The following DDX10 variants were observed in gnomAD, a reference collection of about 807,000 sequenced individuals.
DDX10 encodes DEAD-box helicase 10.
A neutral mutation model predicts 104.3 loss-of-function variants in DDX10; 74 were observed. The ratio of observed to expected loss-of-function variants is 0.71; its 90% CI spans 0.59 to 0.86. DDX10 has a LOEUF of 0.86. DDX10 is among the 40% of genes least tolerant of loss of function. The probability of loss-of-function intolerance (pLI) is 0.00; values close to 1 mark genes in which losing one functional copy is unlikely to be tolerated. For synonymous variants in DDX10, 351 were observed against 353.4 expected (o/e 0.99, Z 0.08); for missense variants, 952 against 1,040.0 (o/e 0.92, Z 1.16).
Position 108,909,488 on chromosome 11 carries a change from G to T in DDX10, c.2305-8385G>T, listed in dbSNP as rs1337614465. Reference sequence around the variant, plus strand: ...TTCCCTTGTCCTGTGCCCTACTCCCGCCCCTTCCCTTGTCCTGTGCCTCTT... The same window carrying T: ...TTCCCTTGTCCTGTGCCCTACTCCCTCCCCTTCCCTTGTCCTGTGCCTCTT... On this transcript the variant is annotated intron_variant, in intron 16 of 17. Transcript: ENST00000322536. 1.1e-4 allele frequency among the ~76,000 whole-genome samples: 16 copies of T among 149,794 alleles called. No homozygotes were observed. The South Asian group carries it at 3.0e-3, about 28-fold the overall frequency.
intron 13 of DDX10, among the ~76,000 whole-genome samples, chr11:108,787,458 CCTT>C (rs35388430): frequency 0.12 from 18,444 of 152,062 alleles, 1,520 homozygotes; most frequent in East Asian, 0.27. Context: ...TACACTCTCT[CCTT>C]CTCTCTCAAG....
At chr11:108,789,944 C>T (rs2134547165) in intron 13 of DDX10, among the ~76,000 whole-genome samples, 1 of 152,254 alleles carries the variant, frequency 6.6e-6, no homozygotes, top group South Asian at 2.1e-4. Context: ...AACTCCGAAC[C>T]AATTAAATCA....
chr11:108,713,570 ATT>A (rs1349338689), intron 10 of DDX10, among the ~76,000 whole-genome samples: 49 of 152,124 alleles, frequency 3.2e-4, no homozygotes, highest in Non-Finnish European at 2.9e-5. Context: ...TGTTTTATCT[ATT>A]AGAATCCCTA....
intron 13 of DDX10, among the ~76,000 whole-genome samples, chr11:108,772,249 C>T (rs1372468481): frequency 6.6e-6 from 1 of 152,118 alleles, no homozygotes; most frequent in Non-Finnish European, 1.5e-5. Context: ...ACGAATATTA[C>T]CTTAATTGGA....
At chr11:108,678,520 T>C in intron 5 of DDX10, 85 bp downstream of exon 5, 1 of 1,284,060 alleles carries the variant, frequency 7.8e-7, no homozygotes, top group Admixed American at 2.9e-5. Flanking sequence ...ATAGAAATTT[T>C]ATGTTAGATA....
chr11:108,904,471 C>G (rs1863564257), intron 16 of DDX10, among the ~76,000 whole-genome samples: 1 of 152,130 alleles, frequency 6.6e-6, no homozygotes, highest in South Asian at 2.1e-4. Flanking sequence ...TTGTCAAAAC[C>G]TGAATTCATT....
intron 13 of DDX10, among the ~76,000 whole-genome samples, chr11:108,835,966 G>A (rs1335893284): frequency 2.0e-5 from 3 of 152,070 alleles, no homozygotes; most frequent in Non-Finnish European, 1.5e-5. Flanking sequence ...TACGGTCCCC[G>A]CCCCCAGACC....
In DDX10 at chr11:108,720,892, C is replaced by G. The variant is rs565861778; in HGVS notation, c.1499+1007C>G. ...ACAGGTGTGAGCCACTGTGCCTGGC[C>G]GGGTTTTTTTTTTTTTTTTAAACCT... On this transcript the variant is annotated intron_variant, in intron 12 of 17. Coordinates refer to ENST00000322536, the MANE Select transcript of DDX10 (RefSeq NM_004398.4). Among the ~76,000 whole-genome samples, 3 of 111,494 alleles carry G rather than the reference C, an allele frequency of 2.7e-5. No homozygotes were observed. In the Admixed American group the frequency reaches 3.1e-4, roughly 11 times the overall value. The allele number at this position is 111,494 out of a possible 152,430, so 73.1% of individuals were successfully genotyped here.
intron 13 of DDX10, among the ~76,000 whole-genome samples, chr11:108,783,465 A>G (rs911987365): frequency 3.9e-5 from 6 of 152,138 alleles, no homozygotes; most frequent in Admixed American, 2.6e-4. Flanking sequence ...GAAGGTGGAT[A>G]GTGGAGGCTT....
In DDX10 at chr11:108,940,412, A is replaced by G. The variant is rs1864093594; in HGVS notation, c.2617A>G (p.Ser873Gly). Reference sequence around the variant, plus strand: ...AGAGCTGGTGTTACATCTGCTAAGAAGTCAAAGCTAAATACTTCCTGCGCC... The same window carrying G: ...AGAGCTGGTGTTACATCTGCTAAGAGGTCAAAGCTAAATACTTCCTGCGCC... ...DEELVLHLLR[S>G]QS The change falls in exon 18 of 18, where the codon AGT (serine) becomes GGT (glycine). Residue 873 changes from serine (S) to glycine (G), a missense_variant. Transcript: ENST00000322536. The G allele has an allele frequency of 6.2e-7, 1 of 1,613,370 alleles. No individual in the cohort carries two copies. Among genetic ancestry groups the G allele is most frequent in the African/African-American group, 1.3e-5 (1 of 74,886 alleles).
At chr11:108,827,625 G>A (rs1022968247) in intron 13 of DDX10, among the ~76,000 whole-genome samples, 2 of 151,832 alleles carry the variant, frequency 1.3e-5, no homozygotes, top group South Asian at 2.1e-4. Context: ...TAATTTATAA[G>A]CGTTGTTTCC....
intron 5 of DDX10, among the ~76,000 whole-genome samples, chr11:108,678,912 C>G (rs2094230347): frequency 9.2e-6 from 1 of 109,086 alleles, no homozygotes; most frequent in African/African-American, 3.5e-5. Context: ...GAGTTTCGCT[C>G]TGTTGCTAGG....
At chr11:108,713,655 T>C (rs1026692143) in intron 10 of DDX10, among the ~76,000 whole-genome samples, 2 of 152,268 alleles carry the variant, frequency 1.3e-5, no homozygotes, top group Non-Finnish European at 2.9e-5. Flanking sequence ...TGTCTGGTTA[T>C]GATGCTTGCT....
chr11:108,701,472 C>T (rs1849917795), intron 9 of DDX10, among the ~76,000 whole-genome samples: 1 of 152,060 alleles, frequency 6.6e-6, no homozygotes, highest in Non-Finnish European at 1.5e-5. Flanking sequence ...TGAGCAGTGA[C>T]TAGCATATCA....
chr11:108,891,078 A>C (rs377669247), intron 16 of DDX10, among the ~76,000 whole-genome samples: 5 of 152,234 alleles, frequency 3.3e-5, no homozygotes, highest in African/African-American at 1.2e-4. Flanking sequence ...CCTGCCTCTT[A>C]TGAAGCCCTT....
rs544039530 is a variant in DDX10, at chr11:108,874,796, GTT to G, written c.2304+22595_2304+22596del. On this transcript the variant is annotated intron_variant, in intron 16 of 17. Transcript: ENST00000322536. ...TCAAAAGCTCATTTCAGCCAGACTT[GTT>G]TTTTTTTAAACTGTCAATGCCAGAA... is the stretch of plus-strand genomic sequence containing the variant. Among the ~76,000 whole-genome samples the G allele has an allele frequency of 7.9e-4, 119 of 151,228 alleles. 1 individual carries two copies. Among genetic ancestry groups the G allele is most frequent in the Middle Eastern group, 3.4e-3 (1 of 294 alleles).
At chr11:108,930,980 T>C (rs1210439163) in intron 17 of DDX10, among the ~76,000 whole-genome samples, 1 of 152,190 alleles carries the variant, frequency 6.6e-6, no homozygotes, top group Non-Finnish European at 1.5e-5. Context: ...GCTGAGGACC[T>C]TAACCTAACA....
intron 13 of DDX10, among the ~76,000 whole-genome samples, chr11:108,777,203 C>G (rs1328375232): frequency 6.6e-6 from 1 of 152,088 alleles, no homozygotes; most frequent in African/African-American, 2.4e-5. Flanking sequence ...TTTATATATT[C>G]TTTGTTGGAT....
At chr11:108,825,106 T>C (rs144457573) in intron 13 of DDX10, among the ~76,000 whole-genome samples, 2,359 of 152,252 alleles carry the variant, frequency 0.015, 56 homozygotes, top group African/African-American at 0.054. Flanking sequence ...TCTAGACTAA[T>C]TGCAGGCACA....
Sources: gnomAD v4.1 joint callset for allele counts (sites outside exome capture counted in the v4.1 genomes callset) on GRCh38, gnomAD v4.1.1 for gene constraint, MANE v1.5 for transcripts, NCBI Gene and HGNC (gene_info 2026-07-23, HGNC 2026-07-21) for gene names.